The following AP3B1 variants were observed in gnomAD, a reference collection of about 807,000 sequenced individuals.
AP3B1 encodes AP-3 complex subunit beta-1.
In AP3B1, 61 loss-of-function variants were observed where a neutral mutation model predicts 132.5. The observed-to-expected ratio is 0.46, with a 90% CI of 0.37 to 0.57. The LOEUF is 0.57. Ranked by LOEUF, AP3B1 falls within the 20% of genes least tolerant of loss-of-function variation. AP3B1 has a pLI of 0.00. For missense variants in AP3B1, 1,120 were observed against 1,289.4 expected, an observed-to-expected ratio of 0.87 and a Z score of 2.01; for synonymous variants, 388 against 438.3, an observed-to-expected ratio of 0.89 and a Z score of 1.43.
intron 17 of AP3B1, 39 bp downstream of exon 17, chr5:78,127,991 A>ACT: frequency 1.9e-6 from 3 of 1,608,026 alleles, no homozygotes; most frequent in Non-Finnish European, 2.6e-6. Flanking sequence ...AGAGTCTTCC[A>ACT]CTGCTTTGGC....
At chr5:78,181,901 A>G (rs1744387956) in intron 7 of AP3B1, among the ~76,000 whole-genome samples, 1 of 152,192 alleles carries the variant, frequency 6.6e-6, no homozygotes, top group Non-Finnish European at 1.5e-5. Context: ...TTACAAAGTA[A>G]ATTTTTGACT....
chr5:78,013,570 G>A (rs1746710888), intron 26 of AP3B1, among the ~76,000 whole-genome samples: 1 of 152,156 alleles, frequency 6.6e-6, no homozygotes, highest in African/African-American at 2.4e-5. Flanking sequence ...TGATAATACA[G>A]CATTTTGGTG....
intron 3 of AP3B1, among the ~76,000 whole-genome samples, chr5:78,238,225 C>T (rs183665377): frequency 1.1e-4 from 16 of 152,274 alleles, no homozygotes; most frequent in South Asian, 4.1e-4. Flanking sequence ...ATCTAGGCTG[C>T]GTGCTCCTTA....
At chr5:78,221,692 G>A (rs1474338962) in intron 6 of AP3B1, among the ~76,000 whole-genome samples, 2 of 151,182 alleles carry the variant, frequency 1.3e-5, no homozygotes, top group East Asian at 3.9e-4. Flanking sequence ...TGTAAAACAG[G>A]CAAAGAAGAT....
chr5:78,198,614 T>C (rs1448078684), intron 7 of AP3B1, among the ~76,000 whole-genome samples: 1 of 152,204 alleles, frequency 6.6e-6, no homozygotes, highest in Non-Finnish European at 1.5e-5. Context: ...GAATACCAAC[T>C]TTTATCCATC....
At chr5:78,127,108 T>C (rs1436666673) in intron 17 of AP3B1, among the ~76,000 whole-genome samples, 5 of 152,198 alleles carry the variant, frequency 3.3e-5, no homozygotes, top group Admixed American at 1.3e-4. Context: ...TCAAATTACA[T>C]GGCCATGATC....
intron 21 of AP3B1, among the ~76,000 whole-genome samples, chr5:78,093,775 C>T (rs1032810427): frequency 2.6e-5 from 4 of 152,176 alleles, no homozygotes; most frequent in South Asian, 2.1e-4. Context: ...AATGCTTTTA[C>T]GTATATCAAG....
chr5:78,123,366 G>A (rs1040838555), intron 17 of AP3B1, among the ~76,000 whole-genome samples: 10 of 152,160 alleles, frequency 6.6e-5, no homozygotes, highest in African/African-American at 2.4e-4. Flanking sequence ...TTAAACTAAA[G>A]AGCTTCTGCA....
chr5:78,030,596 CTTTTTCATAG>C (rs1465324738), intron 24 of AP3B1, among the ~76,000 whole-genome samples: 2 of 152,134 alleles, frequency 1.3e-5, no homozygotes, highest in African/African-American at 4.8e-5. Context: ...AGGACGTGAT[CTTTTTCATAG>C]TTTTTCATAT....
intron 14 of AP3B1, among the ~76,000 whole-genome samples, chr5:78,148,146 G>T (rs886086550): frequency 6.6e-6 from 1 of 152,080 alleles, no homozygotes; most frequent in African/African-American, 2.4e-5. Flanking sequence ...TTTCTTCCAA[G>T]AAAGCCTAGG....
At chr5:78,134,323 C>T (rs1752816273) in intron 15 of AP3B1, among the ~76,000 whole-genome samples, 1 of 151,790 alleles carries the variant, frequency 6.6e-6, no homozygotes, top group Admixed American at 6.6e-5. Flanking sequence ...ACTATTAATA[C>T]TATAGTTCTA....
intron 11 of AP3B1, among the ~76,000 whole-genome samples, chr5:78,174,830 G>C (rs1471881385): frequency 1.3e-5 from 2 of 152,236 alleles, no homozygotes; most frequent in Non-Finnish European, 2.9e-5. Flanking sequence ...GCCCAGAGTG[G>C]AGTCTATAGA....
intron 1 of AP3B1, among the ~76,000 whole-genome samples, chr5:78,283,414 C>T (rs1386118881): frequency 6.6e-6 from 1 of 152,172 alleles, no homozygotes; most frequent in Non-Finnish European, 1.5e-5. Flanking sequence ...AAAACTTGTA[C>T]AATCAACTTT....
At chr5:78,178,972 T>C (rs760914138) in intron 8 of AP3B1, among the ~76,000 whole-genome samples, 6 of 152,234 alleles carry the variant, frequency 3.9e-5, no homozygotes, top group Non-Finnish European at 5.9e-5. Flanking sequence ...TGCCATTTCT[T>C]GTACTTTCTT....
chr5:78,197,638 C>G (rs1441810383), intron 7 of AP3B1, among the ~76,000 whole-genome samples: 2 of 152,110 alleles, frequency 1.3e-5, no homozygotes, highest in African/African-American at 4.8e-5. Flanking sequence ...TACAGGGAGA[C>G]TTATTTTATC....
intron 8 of AP3B1, 98 bp downstream of exon 8, chr5:78,181,409 T>TC (rs1057483619): frequency 5.3e-6 from 6 of 1,126,688 alleles, no homozygotes; most frequent in Admixed American, 3.8e-5. Flanking sequence ...AAACAAATGC[T>TC]CCATTAGCAC....
intron 7 of AP3B1, among the ~76,000 whole-genome samples, chr5:78,213,520 C>T (rs923156994): frequency 6.6e-6 from 1 of 152,154 alleles, no homozygotes; most frequent in Admixed American, 6.5e-5. Flanking sequence ...CTGAACTGAA[C>T]ATATGTACGT....
intron 2 of AP3B1, among the ~76,000 whole-genome samples, chr5:78,245,285 G>A (rs575309187): frequency 6.6e-6 from 1 of 152,204 alleles, no homozygotes; most frequent in Non-Finnish European, 1.5e-5. Context: ...TGGTTTAAAT[G>A]AATCTCCTTT....
At chr5:78,243,593 A>G (rs1747239375) in intron 2 of AP3B1, among the ~76,000 whole-genome samples, 1 of 152,226 alleles carries the variant, frequency 6.6e-6, no homozygotes, top group Non-Finnish European at 1.5e-5. Flanking sequence ...TGTGGAGAAA[A>G]ATAAAGTAGT....
Sources: gnomAD v4.1 joint callset for allele counts (sites outside exome capture counted in the v4.1 genomes callset) on GRCh38, gnomAD v4.1.1 for gene constraint, MANE v1.5 for transcripts, NCBI Gene and HGNC (gene_info 2026-07-23, HGNC 2026-07-21) for gene names.